The following SLC9C2 variants were observed in gnomAD, a reference collection of about 807,000 sequenced individuals.
SLC9C2 encodes the protein solute carrier family 9 member C2 (putative).
Under a neutral mutation model 140.2 loss-of-function variants are expected in SLC9C2, and 75 were observed. The observed-to-expected ratio is 0.53, with a 90% CI of 0.44 to 0.65. SLC9C2 has a LOEUF of 0.65. SLC9C2 is among the 30% of genes least tolerant of loss of function. The pLI is 0.00. For synonymous variants in SLC9C2, 375 were observed against 420.9 expected (o/e 0.89, Z 1.34); for missense variants, 1,074 against 1,331.8 (o/e 0.81, Z 3.01).
At position 173,548,633 on chromosome 1, in the gene SLC9C2, G is replaced by A; in HGVS notation, c.1298-81C>T. 4 of 1,498,452 alleles carry A rather than the reference G, an allele frequency of 2.7e-6. No individual in the cohort carries two copies. In the South Asian group the frequency reaches 4.7e-5, roughly 18 times the overall value. 92.8% of individuals were successfully genotyped at this position (1,498,452 alleles called of 1,614,324 possible). A position where few individuals can be genotyped will look rare whatever the true frequency, so the allele number is the denominator to read the frequency against. Reference sequence around the variant, plus strand: ...AAAGCAAAAAATGTTGCATGATCATGTAGTGAAATCTTGAGATCACCTGCA... The same window carrying A: ...AAAGCAAAAAATGTTGCATGATCATATAGTGAAATCTTGAGATCACCTGCA... On this transcript the variant is annotated intron_variant, in intron 11 of 27. Coordinates refer to ENST00000367714, the MANE Select transcript of SLC9C2 (RefSeq NM_178527.4).
At chr1:173,541,093 G>T (rs1237358853) in intron 13 of SLC9C2, among the ~76,000 whole-genome samples, 1 of 152,054 alleles carries the variant, frequency 6.6e-6, no homozygotes, top group African/African-American at 2.4e-5. Context: ...CCATCAGTGT[G>T]CTGTACTCAG....
Position 173,507,100 on chromosome 1 carries a change from A to G in SLC9C2, c.3040-59T>C, listed in dbSNP as rs920741740. On this transcript the variant is annotated intron_variant, in intron 24 of 27. Coordinates refer to ENST00000367714, the MANE Select transcript of SLC9C2 (RefSeq NM_178527.4). Reference sequence around the variant, plus strand: ...TACAAACTGACAGATGGTATCAAGAAGAAAACAGATTTACTGATCTATCTG... The same window carrying G: ...TACAAACTGACAGATGGTATCAAGAGGAAAACAGATTTACTGATCTATCTG... The G allele has an allele frequency of 8.5e-5, 111 of 1,310,992 alleles. 1 individual carries two copies. In the African/African-American group the frequency reaches 1.5e-3, roughly 18 times the overall value. 81.2% of individuals were successfully genotyped at this position (1,310,992 alleles called of 1,614,324 possible). A position where few individuals can be genotyped will look rare whatever the true frequency, so the allele number is the denominator to read the frequency against.
In SLC9C2 at chr1:173,548,537, G is replaced by T; in HGVS notation, c.1313C>A (p.Ser438Tyr). The T allele has an allele frequency of 6.2e-7, 1 of 1,613,556 alleles. No homozygotes were observed. The change falls in exon 12 of 28, where the codon TCC (serine) becomes TAC (tyrosine). Residue 438 changes from serine (S) to tyrosine (Y), a missense_variant. Physicochemically the swap from Ser to Tyr is moderately radical, Grantham distance 144 (BLOSUM62 -2). Transcript: ENST00000367714. Reference sequence around the variant, plus strand: ...TTGCAAGATCATTTGTCTTGGGAGGGAAAGAACACACAAATCTGTGACAAA... The same window carrying T: ...TTGCAAGATCATTTGTCTTGGGAGGTAAAGAACACACAAATCTGTGACAAA... ...SARKLDLCVL[S>Y]LPRQMILQNA...
intron 14 of SLC9C2, among the ~76,000 whole-genome samples, chr1:173,536,396 A>T (rs1485177199): frequency 6.6e-6 from 1 of 152,178 alleles, no homozygotes; most frequent in Non-Finnish European, 1.5e-5. Flanking sequence ...GTGTTAGATC[A>T]TCTATTATCT....
rs1665548393 is a variant in SLC9C2, at chr1:173,581,747, C to A, written c.802+100G>T. On this transcript the variant is annotated intron_variant, in intron 7 of 27. Coordinates refer to ENST00000367714, the MANE Select transcript of SLC9C2 (RefSeq NM_178527.4). ...TATGACAGGACACACAGTGGGGCCACAAAAAGGAGGAGAAGCAACTGGATT... is the reference window on the plus strand; with the variant it reads ...TATGACAGGACACACAGTGGGGCCAAAAAAAGGAGGAGAAGCAACTGGATT... 7 of 1,015,972 alleles carry A rather than the reference C, an allele frequency of 6.9e-6. No homozygotes were observed. In the Admixed American group the frequency reaches 2.2e-4, roughly 32 times the overall value. The allele number at this position is 1,015,972 out of a possible 1,614,324, so 62.9% of individuals were successfully genotyped here.
rs1357065717 is a variant in SLC9C2, at chr1:173,573,305, G to A, written c.923C>T (p.Ser308Phe). 3 of 1,527,678 alleles carry A rather than the reference G, an allele frequency of 2.0e-6. No homozygotes were observed. The highest frequency in any genetic ancestry group is 2.3e-5 in the East Asian group (1 of 43,870). 94.6% of individuals were successfully genotyped at this position (1,527,678 alleles called of 1,614,324 possible). A position where few individuals can be genotyped will look rare whatever the true frequency, so the allele number is the denominator to read the frequency against. The change falls in exon 9 of 28, where the codon TCT (serine) becomes TTT (phenylalanine). Residue 308 changes from serine to phenylalanine, a missense_variant. Coordinates refer to ENST00000367714, the MANE Select transcript of SLC9C2 (RefSeq NM_178527.4). The stretch of plus-strand genomic sequence containing the variant: ...AGCATATATTAAATGTTCATATACA[G>A]ATGAAAAAATTCTTAAGAACCTAGG... ...VITKFLRIFS[S>F]VYEHLIYAFF... is the part of the protein sequence containing the mutation.
intron 11 of SLC9C2, 134 bp downstream of exon 11, chr1:173,554,599 A>G: frequency 1.5e-6 from 1 of 665,656 alleles, no homozygotes; most frequent in Non-Finnish European, 2.7e-6. Context: ...GCATCTAAAT[A>G]TATGAATAAA....
At chr1:173,532,903 G>A (rs900773263) in intron 17 of SLC9C2, among the ~76,000 whole-genome samples, 1 of 152,032 alleles carries the variant, frequency 6.6e-6, no homozygotes, top group East Asian at 1.9e-4. Context: ...TAAAAAGAAA[G>A]ACCAAAACAA....
At chr1:173,564,540 T>A (rs1361242190) in intron 9 of SLC9C2, among the ~76,000 whole-genome samples, 3 of 152,194 alleles carry the variant, frequency 2.0e-5, no homozygotes, top group Admixed American at 6.5e-5. Flanking sequence ...GCCCATTTTT[T>A]AATCAGATTG....
At chr1:173,528,862 C>T (rs1468620673) in intron 18 of SLC9C2, among the ~76,000 whole-genome samples, 1 of 152,028 alleles carries the variant, frequency 6.6e-6, no homozygotes, top group Admixed American at 6.6e-5. Context: ...GAAAATATAA[C>T]CAAAATCACC....
At chr1:173,574,505 CTT>C (rs746733038) in intron 8 of SLC9C2, among the ~76,000 whole-genome samples, 16 of 104,814 alleles carry the variant, frequency 1.5e-4, no homozygotes, top group African/African-American at 3.3e-4. Context: ...GAGTTAAGTA[CTT>C]TTTTTTTTTT....
At chr1:173,511,547 C>T (rs552891771) in intron 23 of SLC9C2, among the ~76,000 whole-genome samples, 5 of 152,022 alleles carry the variant, frequency 3.3e-5, no homozygotes, top group African/African-American at 9.6e-5. Context: ...TTGTAGATTC[C>T]GGATATTAGA....
At chr1:173,572,886 T>A (rs1377053872) in intron 9 of SLC9C2, among the ~76,000 whole-genome samples, 2 of 152,242 alleles carry the variant, frequency 1.3e-5, no homozygotes, top group African/African-American at 4.8e-5. Context: ...ATGTTAAAAC[T>A]ATTTCCTGGA....
chr1:173,570,853 C>T (rs1424623332), intron 9 of SLC9C2, among the ~76,000 whole-genome samples: 1 of 152,132 alleles, frequency 6.6e-6, no homozygotes, highest in Non-Finnish European at 1.5e-5. Flanking sequence ...TGTGGTCTCC[C>T]TTCCCCAAGT....
intron 8 of SLC9C2, among the ~76,000 whole-genome samples, chr1:173,574,505 C>CTTTTTTTT (rs746733038): frequency 9.5e-6 from 1 of 104,848 alleles, no homozygotes; most frequent in Non-Finnish European, 1.8e-5. Context: ...GAGTTAAGTA[C>CTTTTTTTT]TTTTTTTTTT....
intron 13 of SLC9C2, among the ~76,000 whole-genome samples, chr1:173,545,724 C>T (rs950913745): frequency 1.3e-5 from 2 of 152,062 alleles, no homozygotes; most frequent in South Asian, 2.1e-4. Context: ...TTTTACATGT[C>T]GGAGGGGTAG....
At position 173,501,081 on chromosome 1, in the gene SLC9C2, T is replaced by C; in HGVS notation, c.*13A>G. On this transcript the variant is annotated 3_prime_UTR_variant, in exon 28 of 28. Coordinates refer to ENST00000367714, the MANE Select transcript of SLC9C2 (RefSeq NM_178527.4). The stretch of plus-strand genomic sequence containing the variant: ...GTATCATTAATACCCTTTTCTAAAA[T>C]GGTATCCAGTTTTCAACTATAAAAG... The C allele has an allele frequency of 6.5e-7, 1 of 1,534,300 alleles. No homozygotes were observed. Among genetic ancestry groups the C allele is most frequent in the Non-Finnish European group, 8.8e-7 (1 of 1,140,934 alleles).
chr1:173,598,861 G>A (rs778977586), intron 3 of SLC9C2, among the ~76,000 whole-genome samples: 4 of 152,164 alleles, frequency 2.6e-5, no homozygotes, highest in East Asian at 1.9e-4. Flanking sequence ...AGGAAGAAGC[G>A]TTTACAATCC....
chr1:173,591,017 T>C (rs1223992626), intron 4 of SLC9C2, among the ~76,000 whole-genome samples: 2 of 152,140 alleles, frequency 1.3e-5, no homozygotes, highest in East Asian at 1.9e-4. Context: ...AAGCCTAGTA[T>C]ACAATAGTTA....
Sources: gnomAD v4.1 joint callset for allele counts (sites outside exome capture counted in the v4.1 genomes callset) on GRCh38, gnomAD v4.1.1 for gene constraint, MANE v1.5 for transcripts, NCBI Gene and HGNC (gene_info 2026-07-23, HGNC 2026-07-21) for gene names.